Variants in RGS12 observed in about 807,000 individuals in gnomAD.
RGS12 encodes the protein regulator of G protein signaling 12, also known as regulator of G-protein signaling 12.
Under a neutral mutation model 120.1 loss-of-function variants are expected in RGS12, and 66 were observed. The observed-to-expected ratio is 0.55, with a 90% confidence interval of 0.45 to 0.67. The LOEUF (loss-of-function observed/expected upper bound fraction) is 0.67. Among genes scored for constraint, RGS12 ranks in the 30% least tolerant of loss-of-function variants. RGS12 has a pLI of 0.00. For missense variants in RGS12, 1,859 were observed against 1,957.7 expected (o/e 0.95, Z 0.95); for synonymous variants, 827 against 804.7 (o/e 1.03, Z -0.47).
chr4:3,355,914 A>G (rs895275334), intron 3 of RGS12, among the ~76,000 whole-genome samples: 1 of 152,044 alleles, frequency 6.6e-6, no homozygotes, highest in Non-Finnish European at 1.5e-5. Flanking sequence ...AATATACAAA[A>G]ATCAATTGTA....
intron 12 of RGS12, among the ~76,000 whole-genome samples, 177 bp downstream of exon 12, chr4:3,423,155 G>C (rs769835289): frequency 3.3e-5 from 5 of 152,182 alleles, no homozygotes; most frequent in Non-Finnish European, 4.4e-5. Context: ...CTACAAGCCC[G>C]GGGGTGAGAG....
At chr4:3,320,211 C>T (rs940884284) in intron 2 of RGS12, among the ~76,000 whole-genome samples, 3 of 152,182 alleles carry the variant, frequency 2.0e-5, no homozygotes, top group African/African-American at 7.2e-5. Context: ...TGGTCCTCAG[C>T]GGACCTGAGA....
At chr4:3,419,654 C>T (rs940203232) in intron 9 of RGS12, 1 of 150,602 alleles carries the variant, frequency 6.6e-6, no homozygotes, top group Non-Finnish European at 1.5e-5. Flanking sequence ...CTCATCTCTA[C>T]AAAAAAAAAT....
intron 1 of RGS12, among the ~76,000 whole-genome samples, chr4:3,302,382 T>A (rs1372565314): frequency 1.4e-5 from 1 of 72,896 alleles, no homozygotes; most frequent in Non-Finnish European, 2.7e-5. Context: ...TGGTCTGGGG[T>A]GGGTGGGGTT....
chr4:3,380,405 G>A (rs1718137346), intron 3 of RGS12, among the ~76,000 whole-genome samples: 1 of 152,238 alleles, frequency 6.6e-6, no homozygotes, highest in African/African-American at 2.4e-5. Context: ...AGGTGTGGAG[G>A]AGGGTGGCCC....
intron 3 of RGS12, among the ~76,000 whole-genome samples, chr4:3,358,228 T>C (rs1359016566): frequency 1.3e-5 from 2 of 152,198 alleles, no homozygotes; most frequent in African/African-American, 2.4e-5. Flanking sequence ...TTAGCTCTAG[T>C]AGGTTTTTTT....
At chr4:3,329,570 C>T (rs1252031571) in intron 2 of RGS12, among the ~76,000 whole-genome samples, 1 of 146,818 alleles carries the variant, frequency 6.8e-6, no homozygotes, top group Non-Finnish European at 1.5e-5. Flanking sequence ...CAAACGTCCC[C>T]TCATACACTG....
intron 2 of RGS12, among the ~76,000 whole-genome samples, chr4:3,340,312 G>C (rs963286585): frequency 1.3e-5 from 2 of 152,244 alleles, no homozygotes; most frequent in Non-Finnish European, 2.9e-5. Flanking sequence ...GCAGTCCCCT[G>C]GGGGAGATTC....
chr4:3,310,929 G>T (rs1475925634), intron 1 of RGS12, among the ~76,000 whole-genome samples: 3 of 152,242 alleles, frequency 2.0e-5, no homozygotes, highest in Non-Finnish European at 4.4e-5. Flanking sequence ...TTAATTGGCT[G>T]TGTGCTGGTA....
intron 2 of RGS12, among the ~76,000 whole-genome samples, chr4:3,334,549 T>C (rs768874854): frequency 9.9e-5 from 15 of 152,224 alleles, no homozygotes; most frequent in Non-Finnish European, 2.1e-4. Context: ...AAAAAATTAA[T>C]GGTAGAACTT....
rs768226503 is a variant in RGS12 at position 3,420,644 on chromosome 4, G to A, written c.2764G>A (p.Ala922Thr). The change falls in exon 10 of 18, where the codon GCC (alanine) becomes ACC (threonine). Residue 922 changes from alanine to threonine, a missense_variant and splice_region_variant. Ala to Thr is a moderately conservative substitution (Grantham distance 58). This residue lies in a region of RGS12 where 375 missense variants were observed against 475.0 expected (regional missense o/e 0.79). Transcript: ENST00000336727. ...KREHGDHADD[A>T]LHANGGLCRR... is the part of the protein sequence containing the mutation. ...GTCACTGTGTTTCCCCTGTCAAGACGCCCTGCATGCCAATGGAGGCCTGTG... is the reference window on the plus strand; with the variant it reads ...GTCACTGTGTTTCCCCTGTCAAGACACCCTGCATGCCAATGGAGGCCTGTG... 1.3e-5 allele frequency: 21 copies of A among 1,613,480 alleles called. No individual in the cohort carries two copies. In the African/African-American group the frequency reaches 1.5e-4, roughly 11 times the overall value.
At chr4:3,323,450 A>C (rs945884534) in intron 2 of RGS12, among the ~76,000 whole-genome samples, 27 of 152,224 alleles carry the variant, frequency 1.8e-4, no homozygotes, top group African/African-American at 6.5e-4. Context: ...CTGTTTGCAC[A>C]GGCTCTTGGA....
upstream of RGS12, among the ~76,000 whole-genome samples, chr4:3,292,705 AG>A (rs1388562401): frequency 6.6e-6 from 1 of 152,168 alleles, no homozygotes; most frequent in East Asian, 1.9e-4. Flanking sequence ...GCGGGAACGC[AG>A]TCGCTCCCAG....
chr4:3,430,926 C>A lies in RGS12; in HGVS notation c.4085C>A (p.Pro1362His), dbSNP rs113897950. 5.0e-6 allele frequency: 8 copies of A among 1,612,788 alleles called. No individual in the cohort carries two copies. The African/African-American group carries it at 5.3e-5, about 11-fold the overall frequency. The change falls in exon 17 of 18, where the codon CCC becomes CAC. Residue 1362 changes from proline (P) to histidine (H), a missense_variant. Physicochemically the swap from Pro to His is moderately conservative, Grantham distance 77. Around this residue, in one of 3 missense-constraint regions of RGS12, gnomAD observed 517 missense variants for 488.5 expected, o/e 1.06. Coordinates refer to ENST00000336727, the MANE Select transcript of RGS12 (RefSeq NM_001394154.1). ...NSTLLPPPST[P>H]QEVPGPSRPG... Reference sequence around the variant, plus strand: ...ACCTTGCTGCCGCCGCCCTCCACCCCCCAGGAAGTGCCAGGACCTTCCAGA... The same window carrying A: ...ACCTTGCTGCCGCCGCCCTCCACCCACCAGGAAGTGCCAGGACCTTCCAGA...
At chr4:3,361,061 A>ATT (rs1429532671) in intron 3 of RGS12, among the ~76,000 whole-genome samples, 1 of 152,222 alleles carries the variant, frequency 6.6e-6, no homozygotes, top group Non-Finnish European at 1.5e-5. Context: ...ATAGCCTGTG[A>ATT]TTTATTCTTG....
At chr4:3,319,295 T>G (rs564434548) in intron 2 of RGS12, among the ~76,000 whole-genome samples, 1 of 152,148 alleles carries the variant, frequency 6.6e-6, no homozygotes, top group South Asian at 2.1e-4. Flanking sequence ...GGCTCTAAAA[T>G]AAAATAAAAT....
the RGS12 span, among the ~76,000 whole-genome samples, chr4:3,286,774 C>G: frequency 6.6e-6 from 1 of 152,216 alleles, no homozygotes; most frequent in African/African-American, 2.4e-5. Context: ...GCCTCAGTTT[C>G]TGCATCTGTA....
intron 3 of RGS12, among the ~76,000 whole-genome samples, chr4:3,383,877 C>G (rs1433611499): frequency 2.0e-5 from 3 of 152,152 alleles, no homozygotes; most frequent in African/African-American, 4.8e-5. Context: ...TCTGTTTGGC[C>G]TCTGGGACAC....
rs529248049 is a variant in RGS12 at position 3,377,782 on chromosome 4, G to A, written c.1999-8634G>A. The stretch of plus-strand genomic sequence containing the variant: ...TTGAGTCCTTGTCAGCTGAGCTGCC[G>A]CGTTCAAGAGACCCACCGAGGAGCA... On this transcript the variant is annotated intron_variant, in intron 3 of 17. Transcript: ENST00000336727. Among the ~76,000 whole-genome samples the A allele has an allele frequency of 1.3e-4, 20 of 152,280 alleles. No individual in the cohort carries two copies. In the East Asian group the frequency reaches 2.9e-3, roughly 22 times the overall value.
Sources: gnomAD v4.1 joint callset for allele counts (sites outside exome capture counted in the v4.1 genomes callset) on GRCh38, gnomAD v4.1.1 for gene constraint, gnomAD v4.1.1 regional missense constraint, MANE v1.5 for transcripts, NCBI Gene and HGNC (gene_info 2026-07-23, HGNC 2026-07-21) for gene names.